Variants in RBFOX3 observed in about 807,000 individuals in gnomAD.
The protein encoded by RBFOX3 is RNA binding fox-1 homolog 3, also known as RNA binding protein fox-1 homolog 3.
A neutral mutation model predicts 48.7 loss-of-function variants in RBFOX3; 17 were observed. The ratio of observed to expected loss-of-function variants is 0.35; its 90% confidence interval spans 0.24 to 0.52. The LOEUF (loss-of-function observed/expected upper bound fraction) is 0.52. Ranked by LOEUF, RBFOX3 falls within the 20% of genes least tolerant of loss-of-function variation. RBFOX3 has a pLI of 0.94. For missense variants in RBFOX3, 382 were observed against 497.5 expected (o/e 0.77, Z 2.21); for synonymous variants, 212 against 209.5 (o/e 1.01, Z -0.10).
At position 79,473,435 on chromosome 17, in the gene RBFOX3, C is replaced by T. The variant is rs370838569; in HGVS notation, c.-175+9019G>A. On this transcript the variant is annotated intron_variant, in intron 2 of 14. Transcript: ENST00000693108. The surrounding 1 kb of genome is among the most constrained non-coding windows in gnomAD (Gnocchi z 4.2). ...CATATATATTTTGGGACGAGAACCTCGGGTAAGATAACCTGCTCACATGTG... is the reference window on the plus strand; with the variant it reads ...CATATATATTTTGGGACGAGAACCTTGGGTAAGATAACCTGCTCACATGTG... 4.6e-5 allele frequency among the ~76,000 whole-genome samples: 7 copies of T among 152,328 alleles called. No individual in the cohort carries two copies. Among genetic ancestry groups the T allele is most frequent in the African/African-American group, 1.7e-4 (7 of 41,566 alleles).
At chr17:79,516,901 A>G (rs1233265001) in intron 1 of RBFOX3, among the ~76,000 whole-genome samples, 8 of 152,098 alleles carry the variant, frequency 5.3e-5, no homozygotes, top group African/African-American at 1.2e-4. Context: ...ATGTCGTACA[A>G]TCCACAGTCC....
intron 1 of RBFOX3, among the ~76,000 whole-genome samples, chr17:79,593,652 A>G (rs1212038338): frequency 6.6e-6 from 1 of 152,228 alleles, no homozygotes; most frequent in Non-Finnish European, 1.5e-5. Context: ...ACTTTAGATA[A>G]CTTTGTGATG....
rs548272267 is a variant in RBFOX3 at position 79,257,912 on chromosome 17, T to C, written c.-73-22107A>G. ...TTGCTTTTGTTTTGGGAAAAAAAAA[T>C]AAAAAAATAAAAAGCAATGATGGTA... is the stretch of plus-strand genomic sequence containing the variant. On this transcript the variant is annotated intron_variant, in intron 3 of 14. Coordinates refer to ENST00000693108, the MANE Select transcript of RBFOX3 (RefSeq NM_001350451.2). Among the ~76,000 whole-genome samples the C allele has an allele frequency of 2.0e-5, 3 of 151,908 alleles. No individual in the cohort carries two copies. The East Asian group carries it at 5.8e-4, about 29-fold the overall frequency.
intron 4 of RBFOX3, among the ~76,000 whole-genome samples, chr17:79,138,657 A>AC (rs2040876260): frequency 9.1e-6 from 1 of 109,312 alleles, no homozygotes; most frequent in Non-Finnish European, 2.2e-5. Flanking sequence ...GCACATACAC[A>AC]GCACATGCAT....
At chr17:79,589,743 A>C (rs1288611051) in intron 1 of RBFOX3, among the ~76,000 whole-genome samples, 1 of 151,444 alleles carries the variant, frequency 6.6e-6, no homozygotes, top group Non-Finnish European at 1.5e-5. Context: ...CCCTCCACAC[A>C]ACCCAATACC....
At chr17:79,382,668 C>T (rs1188463794) in intron 2 of RBFOX3, among the ~76,000 whole-genome samples, 1 of 152,222 alleles carries the variant, frequency 6.6e-6, no homozygotes, top group Non-Finnish European at 1.5e-5. Context: ...CGCGCATTTC[C>T]AAGGCTTCAG....
chr17:79,383,124 T>C (rs1319162052), intron 2 of RBFOX3, among the ~76,000 whole-genome samples: 3 of 151,954 alleles, frequency 2.0e-5, no homozygotes, highest in African/African-American at 7.3e-5. Context: ...GGGTCCAGTA[T>C]CTGATTATTG....
At chr17:79,379,050 C>T (rs993951357) in intron 2 of RBFOX3, among the ~76,000 whole-genome samples, 8 of 152,304 alleles carry the variant, frequency 5.3e-5, no homozygotes, top group South Asian at 2.1e-4. Flanking sequence ...GGATTCTCAA[C>T]TGGGGAAGCT....
At chr17:79,652,954 G>A in the RBFOX3 span, among the ~76,000 whole-genome samples, 1 of 151,962 alleles carries the variant, frequency 6.6e-6, no homozygotes, top group African/African-American at 2.4e-5. Flanking sequence ...GAAGAAAATG[G>A]GGCCATATAA....
At chr17:79,178,121 T>C (rs543000370) in intron 4 of RBFOX3, among the ~76,000 whole-genome samples, 1 of 152,166 alleles carries the variant, frequency 6.6e-6, no homozygotes, top group African/African-American at 2.4e-5. Context: ...TCCTACGGGC[T>C]CCTTCCCCGC....
At chr17:79,553,258 A>C (rs1441942852) in intron 1 of RBFOX3, among the ~76,000 whole-genome samples, 1 of 152,244 alleles carries the variant, frequency 6.6e-6, no homozygotes, top group African/African-American at 2.4e-5. Flanking sequence ...TTATATTAAT[A>C]TGATGCATTA....
intron 2 of RBFOX3, among the ~76,000 whole-genome samples, chr17:79,465,823 G>A (rs2076236160): frequency 6.6e-6 from 1 of 152,208 alleles, no homozygotes; most frequent in South Asian, 2.1e-4. Context: ...CGGGATCGCG[G>A]CCTGGGCAGT....
chr17:79,303,792 T>C (rs36158199), intron 3 of RBFOX3, among the ~76,000 whole-genome samples: 1 of 152,158 alleles, frequency 6.6e-6, no homozygotes, highest in African/African-American at 2.4e-5. Context: ...CGTGTGTGTA[T>C]GTACCTGCGT....
chr17:79,091,319 A>G (rs1487994789), intron 14 of RBFOX3, among the ~76,000 whole-genome samples: 1 of 152,182 alleles, frequency 6.6e-6, no homozygotes, highest in East Asian at 1.9e-4. Context: ...CAGCCCCAGG[A>G]GCCCAGCCGT....
In RBFOX3 at chr17:79,477,419, G is replaced by T. The variant is rs1490470349; in HGVS notation, c.-175+5035C>A. On this transcript the variant is annotated intron_variant, in intron 2 of 14. Transcript: ENST00000693108. The surrounding 1 kb of genome is among the most constrained non-coding windows in gnomAD (Gnocchi z 4.8). ...AAAATACAAAACATTAGCCAGACGTGGTGGCGGGCGCCTGTAGTCCCAGCT... is the reference window on the plus strand; with the variant it reads ...AAAATACAAAACATTAGCCAGACGTTGTGGCGGGCGCCTGTAGTCCCAGCT... Among the ~76,000 whole-genome samples, 5 of 151,964 alleles carry T rather than the reference G, an allele frequency of 3.3e-5. No homozygotes were observed. Among genetic ancestry groups the T allele is most frequent in the African/African-American group, 4.8e-5 (2 of 41,366 alleles).
chr17:79,647,001 G>A, the RBFOX3 span, among the ~76,000 whole-genome samples: 2 of 151,926 alleles, frequency 1.3e-5, no homozygotes, highest in African/African-American at 4.8e-5. Flanking sequence ...AGGGGACAGG[G>A]GACAGGCCAA....
At chr17:79,208,855 G>A (rs1275023146) in intron 4 of RBFOX3, among the ~76,000 whole-genome samples, 8 of 151,326 alleles carry the variant, frequency 5.3e-5, no homozygotes, top group African/African-American at 7.3e-5. Flanking sequence ...TCGCTCCGTC[G>A]CCCAGGCTGG....
intron 2 of RBFOX3, among the ~76,000 whole-genome samples, chr17:79,432,575 G>A (rs890592694): frequency 1.2e-4 from 18 of 152,232 alleles, no homozygotes; most frequent in Non-Finnish European, 2.2e-4. Flanking sequence ...TGTTTGAAGT[G>A]TAAACAAAGG....
the RBFOX3 span, among the ~76,000 whole-genome samples, chr17:79,627,988 G>A: frequency 3.4e-5 from 5 of 146,070 alleles, no homozygotes; most frequent in South Asian, 8.6e-4. Flanking sequence ...GCCTCTCTCT[G>A]CTGGCGGCAG....
Sources: gnomAD v4.1 joint callset for allele counts (sites outside exome capture counted in the v4.1 genomes callset) on GRCh38, gnomAD v4.1.1 for gene constraint, Gnocchi (gnomAD v3.1) non-coding constraint, MANE v1.5 for transcripts, NCBI Gene and HGNC (gene_info 2026-07-23, HGNC 2026-07-21) for gene names.